SAGE1: variants seen among roughly 807,000 people sequenced by gnomAD.
The protein encoded by SAGE1 is sarcoma antigen 1.
SAGE1 carries 55 observed loss-of-function variants against 55.4 expected under a neutral mutation model. The ratio of observed to expected loss-of-function variants is 0.99; its 90% CI spans 0.80 to 1.24. The LOEUF is 1.24. Ranked by LOEUF, SAGE1 falls within the 50% of genes most tolerant of loss-of-function variation. The probability of loss-of-function intolerance (pLI) is 0.00; values close to 1 mark genes in which losing one functional copy is unlikely to be tolerated. For synonymous variants in SAGE1, 240 were observed against 244.3 expected (o/e 0.98, Z 0.17); for missense variants, 710 against 704.4 (o/e 1.01, Z -0.09).
At chrX:135,904,608 A>AGAGATCTGTGT (rs202101349) in intron 4 of SAGE1, 39 bp downstream of exon 4, 119 of 871,537 alleles carry the variant, frequency 1.4e-4, no homozygotes, top group Middle Eastern at 2.7e-4. Context: ...CATGAGTATG[A>AGAGATCTGTGT]AATTCATCCA....
At chrX:135,908,369 C>A in intron 11 of SAGE1, 108 bp from the exon 12 acceptor site, 1 of 1,040,608 alleles carries the variant, frequency 9.6e-7, no homozygotes, top group Non-Finnish European at 1.3e-6. Context: ...GTATATCCTC[C>A]TGCTTTATGT....
In SAGE1 at chrX:135,910,059, G is replaced by A; in HGVS notation, c.1753G>A (p.Glu585Lys). 1 of 1,209,729 alleles carries A rather than the reference G, an allele frequency of 8.3e-7. No individual in the cohort carries two copies. Among genetic ancestry groups the A allele is most frequent in the Non-Finnish European group, 1.1e-6 (1 of 893,897 alleles). ...TACCGTCACTCACAATGTCCATGAA[G>A]AGAAGATTAAAAATGGCCAAGCAGC... ...YATVTHNVHE[E>K]KIKNGQAASD... The change falls in exon 15 of 20, where the codon GAG becomes AAG. Residue 585 changes from glutamate to lysine, a missense_variant. By Grantham distance (56) the Glu-to-Lys change is moderately conservative. Transcript: ENST00000370709.
intron 3 of SAGE1, among the ~76,000 whole-genome samples, chrX:135,902,789 C>T (rs1345729943): frequency 8.9e-6 from 1 of 111,825 alleles, no homozygotes; most frequent in East Asian, 2.8e-4. Context: ...CTTAGCAAGT[C>T]CAGCAGTAGA....
At chrX:135,903,910 T>C (rs1415255387) in intron 3 of SAGE1, among the ~76,000 whole-genome samples, 3 of 112,492 alleles carry the variant, frequency 2.7e-5, no homozygotes, top group African/African-American at 6.5e-5. Context: ...AGTTTTATTG[T>C]ATTATCTGAC....
chrX:135,896,610 G>T (rs2088590823), intron 2 of SAGE1, among the ~76,000 whole-genome samples: 1 of 103,723 alleles, frequency 9.6e-6, no homozygotes, highest in Non-Finnish European at 2.0e-5. Flanking sequence ...CCAGGCTGGA[G>T]TGCAATGGCA....
intron 3 of SAGE1, 58 bp from the exon 4 acceptor site, chrX:135,904,419 C>T (rs1480806565): frequency 3.5e-5 from 25 of 723,623 alleles, no homozygotes; most frequent in Non-Finnish European, 5.0e-5. Context: ...TGGGGCATGC[C>T]TGTGCCATTG....
rs1556604087 is a variant in SAGE1, at chrX:135,908,844, C to T, written c.1442-20C>T. ...ATAATGCACGTACCTCACAGCTTGA[C>T]CTCTCCCTTTGGTTTCCAGATGCTA... On this transcript the variant is annotated intron_variant, in intron 12 of 19. Transcript: ENST00000370709. 2.5e-6 allele frequency: 3 copies of T among 1,207,436 alleles called. No homozygotes were observed. The highest frequency in any genetic ancestry group is 3.6e-5 in the South Asian group (2 of 56,293).
At chrX:135,911,425 T>C in intron 17 of SAGE1, 93 bp downstream of exon 17, 4 of 986,349 alleles carry the variant, frequency 4.1e-6, no homozygotes, top group Non-Finnish European at 5.7e-6. Context: ...TGTATTATCT[T>C]ACTCAAACTT....
chrX:135,912,001 A>C (rs1354673139), intron 18 of SAGE1, 48 bp downstream of exon 18: 13 of 1,186,938 alleles, frequency 1.1e-5, no homozygotes, highest in Non-Finnish European at 1.5e-5. Context: ...GAAGTGTCTC[A>C]TTCTATGATT....
At chrX:135,908,745 A>G in intron 12 of SAGE1, 119 bp from the exon 13 acceptor site, 1 of 1,036,726 alleles carries the variant, frequency 9.6e-7, no homozygotes. Context: ...AGATCATCAT[A>G]TGATGTATTA....
chrX:135,907,137 T>C, intron 8 of SAGE1, 71 bp downstream of exon 8: 1 of 1,106,194 alleles, frequency 9.0e-7, no homozygotes. Context: ...GAAGGGGAGA[T>C]GGAGGTTTTG....
chrX:135,897,048 C>T (rs1463824374), intron 2 of SAGE1, among the ~76,000 whole-genome samples: 1 of 111,612 alleles, frequency 9.0e-6, no homozygotes, highest in Non-Finnish European at 1.9e-5. Flanking sequence ...TTCTTTCCCA[C>T]TCCCCACAAT....
intron 3 of SAGE1, among the ~76,000 whole-genome samples, chrX:135,902,339 C>CG (rs1254258417): frequency 2.7e-5 from 3 of 112,051 alleles, no homozygotes; most frequent in Non-Finnish European, 5.6e-5. Flanking sequence ...CGACTACACT[C>CG]GCGGTATCTT....
At chrX:135,902,311 G>T (rs1171731839) in intron 3 of SAGE1, among the ~76,000 whole-genome samples, 1 of 111,722 alleles carries the variant, frequency 9.0e-6, no homozygotes, top group African/African-American at 3.3e-5. Context: ...ACTTGCTCCT[G>T]AAATCCAGAC....
At chrX:135,900,559 T>C (rs2088657360) in intron 2 of SAGE1, among the ~76,000 whole-genome samples, 2 of 111,213 alleles carry the variant, frequency 1.8e-5, no homozygotes, top group African/African-American at 6.5e-5. Context: ...GTTTCGGTAG[T>C]AATATTACCA....
At position 135,912,381 on chromosome X, in the gene SAGE1, A is replaced by G. The variant is rs1375178229; in HGVS notation, c.2582A>G (p.Gln861Arg). Residue 861 changes from glutamine to arginine, a missense_variant, in exon 19 of 20, where the codon CAA (glutamine) becomes CGA (arginine). Gln to Arg is a conservative substitution (Grantham distance 43, BLOSUM62 1). Transcript: ENST00000370709. ...EVQGSMKVKR[Q>R]FVEFTIKEAA... is the part of the protein sequence containing the mutation. ...CAAGGATCTATGAAAGTCAAGAGAC[A>G]ATTTGTTGAATTTACCATCAAGGAA... The G allele has an allele frequency of 3.3e-6, 4 of 1,205,498 alleles. No homozygotes were observed. The highest frequency in any genetic ancestry group is 4.5e-6 in the Non-Finnish European group (4 of 893,335).
chrX:135,900,463 A>G (rs1489961694), intron 2 of SAGE1, among the ~76,000 whole-genome samples: 2 of 110,433 alleles, frequency 1.8e-5, no homozygotes, highest in Admixed American at 9.6e-5. Flanking sequence ...TTTTTGTTGT[A>G]TCTCTGCCAG....
Position 135,911,786 on chromosome X carries a change from C to T in SAGE1, c.2354C>T (p.Ala785Val), listed in dbSNP as rs1556606671. The change falls in exon 18 of 20, where the codon GCG becomes GTG. Residue 785 changes from alanine (A) to valine (V), a missense_variant. Coordinates refer to ENST00000370709, the MANE Select transcript of SAGE1 (RefSeq NM_001381902.1). Reference sequence around the variant, plus strand: ...TACAAACCTGATAGTAATGAATTTGCGGTAGGCACCAAAAACTACAGTGTC... The same window carrying T: ...TACAAACCTGATAGTAATGAATTTGTGGTAGGCACCAAAAACTACAGTGTC... ...LLYKPDSNEF[A>V]VGTKNYSVSA... is the part of the protein sequence containing the mutation. 2.5e-6 allele frequency: 3 copies of T among 1,210,031 alleles called. No individual in the cohort carries two copies. Among genetic ancestry groups the T allele is most frequent in the Admixed American group, 2.2e-5 (1 of 46,005 alleles).
intron 19 of SAGE1, 59 bp downstream of exon 19, chrX:135,912,473 G>A: frequency 3.4e-6 from 4 of 1,186,052 alleles, no homozygotes; most frequent in Middle Eastern, 2.5e-4. Context: ...TTTGGGACAG[G>A]GGCAGGAAAA....
Sources: gnomAD v4.1 joint callset for allele counts (sites outside exome capture counted in the v4.1 genomes callset) on GRCh38, gnomAD v4.1.1 for gene constraint, MANE v1.5 for transcripts, NCBI Gene and HGNC (gene_info 2026-07-23, HGNC 2026-07-21) for gene names.